XRCC4: variants seen among roughly 807,000 people sequenced by gnomAD.
XRCC4 encodes X-ray repair cross complementing 4.
Under a neutral mutation model 39.1 loss-of-function variants are expected in XRCC4, and 28 were observed. The ratio of observed to expected loss-of-function variants is 0.72; its 90% CI spans 0.53 to 0.98. The LOEUF (loss-of-function observed/expected upper bound fraction) is 0.98. Ranked by LOEUF, XRCC4 falls within the 50% of genes least tolerant of loss-of-function variation. The pLI, the probability that XRCC4 is intolerant of heterozygous loss-of-function variation, is 0.00. For synonymous variants in XRCC4, 123 were observed against 126.4 expected, an observed-to-expected ratio of 0.97 and a Z score of 0.18; for missense variants, 350 against 376.4, an observed-to-expected ratio of 0.93 and a Z score of 0.58.
chr5:83,254,615 A>G (rs1196575169), intron 6 of XRCC4, among the ~76,000 whole-genome samples: 2 of 152,040 alleles, frequency 1.3e-5, no homozygotes, highest in African/African-American at 4.8e-5. Context: ...CCTCCTATTG[A>G]TATAGTTGGG....
chr5:83,217,674 T>A (rs1751916555), intron 6 of XRCC4, among the ~76,000 whole-genome samples: 1 of 152,078 alleles, frequency 6.6e-6, no homozygotes, highest in African/African-American at 2.4e-5. Flanking sequence ...TTACCTGAAG[T>A]TTTTACTATA....
At chr5:83,181,484 C>T (rs1750204810) in intron 3 of XRCC4, among the ~76,000 whole-genome samples, 1 of 151,794 alleles carries the variant, frequency 6.6e-6, no homozygotes, top group African/African-American at 2.4e-5. Context: ...CTTTTTTATG[C>T]GTTATTCATT....
intron 6 of XRCC4, among the ~76,000 whole-genome samples, chr5:83,236,735 C>T (rs779340917): frequency 6.6e-6 from 1 of 151,830 alleles, no homozygotes; most frequent in Admixed American, 6.6e-5. Context: ...AACTAAAAAG[C>T]TTCTGCACAG....
intron 1 of XRCC4, among the ~76,000 whole-genome samples, chr5:83,082,315 G>T (rs1232432075): frequency 6.6e-6 from 1 of 152,166 alleles, no homozygotes; most frequent in Non-Finnish European, 1.5e-5. Context: ...TCCTGAAACA[G>T]AAAGAGGTTA....
chr5:83,270,018 TCAC>T (rs10551065), intron 7 of XRCC4, among the ~76,000 whole-genome samples: 1 of 65,986 alleles, frequency 1.5e-5, no homozygotes, highest in East Asian at 4.7e-3. Context: ...TTTCCTCACC[TCAC>T]AAATGGTCCC....
At chr5:83,224,743 C>G (rs1394734133) in intron 6 of XRCC4, among the ~76,000 whole-genome samples, 8 of 152,032 alleles carry the variant, frequency 5.3e-5, no homozygotes, top group Admixed American at 5.2e-4. Context: ...TTTTCATCAC[C>G]TCTTCATTGT....
chr5:83,097,494 G>A (rs1161515826), intron 1 of XRCC4, among the ~76,000 whole-genome samples: 1 of 151,604 alleles, frequency 6.6e-6, no homozygotes, highest in Admixed American at 6.6e-5. Context: ...TTGTTTATAA[G>A]TCTTATTCCT....
chr5:83,222,426 A>G (rs193047317), intron 6 of XRCC4, among the ~76,000 whole-genome samples: 1 of 152,340 alleles, frequency 6.6e-6, no homozygotes, highest in East Asian at 1.9e-4. Context: ...TTTAGACCTC[A>G]TAAAACATTG....
Position 83,282,336 on chromosome 5 carries a change from G to T in XRCC4, c.893+23659G>T, listed in dbSNP as rs117233729. On this transcript the variant is annotated intron_variant, in intron 7 of 7. Transcript: ENST00000396027. ...ATAATAGCAAAAAAAAAGAAGCAATGTAAATGTCCAACATTAGAAAATTGG... is the reference window on the plus strand; with the variant it reads ...ATAATAGCAAAAAAAAAGAAGCAATTTAAATGTCCAACATTAGAAAATTGG... Among the ~76,000 whole-genome samples, 553 of 152,212 alleles carry T rather than the reference G, an allele frequency of 3.6e-3. 12 individuals carry two copies. In the East Asian group the frequency reaches 0.071, roughly 20 times the overall value.
chr5:83,247,179 T>G (rs1452531162), intron 6 of XRCC4, among the ~76,000 whole-genome samples: 1 of 152,130 alleles, frequency 6.6e-6, no homozygotes, highest in Non-Finnish European at 1.5e-5. Context: ...TATGAACAAG[T>G]ATGCATAATT....
intron 3 of XRCC4, among the ~76,000 whole-genome samples, chr5:83,127,721 T>A (rs1355899731): frequency 6.6e-6 from 1 of 152,144 alleles, no homozygotes; most frequent in African/African-American, 2.4e-5. Context: ...GATTTCCATG[T>A]AATAATATTT....
intron 1 of XRCC4, among the ~76,000 whole-genome samples, chr5:83,089,740 T>A (rs1167589761): frequency 6.6e-6 from 1 of 152,152 alleles, no homozygotes; most frequent in Admixed American, 6.5e-5. Flanking sequence ...TTATTTTTAA[T>A]CAAACACTTC....
At chr5:83,196,755 A>G (rs1280775784) in intron 4 of XRCC4, among the ~76,000 whole-genome samples, 2 of 151,478 alleles carry the variant, frequency 1.3e-5, no homozygotes, top group Non-Finnish European at 2.9e-5. Flanking sequence ...AATTATTAGT[A>G]CATCCAGTAG....
chr5:83,170,506 G>A (rs918754365), intron 3 of XRCC4, among the ~76,000 whole-genome samples: 2 of 152,166 alleles, frequency 1.3e-5, no homozygotes, highest in Admixed American at 1.3e-4. Flanking sequence ...GCATTTTCAT[G>A]TGGGGCTCCG....
chr5:83,114,825 T>C (rs1014844357), intron 3 of XRCC4, among the ~76,000 whole-genome samples: 1 of 152,178 alleles, frequency 6.6e-6, no homozygotes, highest in African/African-American at 2.4e-5. Flanking sequence ...ACCAATTTAC[T>C]GTATTAGTCT....
intron 6 of XRCC4, among the ~76,000 whole-genome samples, chr5:83,256,686 A>G (rs1206151471): frequency 6.6e-6 from 1 of 151,988 alleles, no homozygotes; most frequent in Non-Finnish European, 1.5e-5. Flanking sequence ...TCTATTCCCC[A>G]TACATTTTTA....
At chr5:83,214,208 C>T (rs573013397) in intron 6 of XRCC4, among the ~76,000 whole-genome samples, 1 of 151,808 alleles carries the variant, frequency 6.6e-6, no homozygotes, top group Non-Finnish European at 1.5e-5. Context: ...CTAGGCAGGG[C>T]AATTAGGCAA....
At chr5:83,220,919 T>C (rs950559635) in intron 6 of XRCC4, among the ~76,000 whole-genome samples, 1 of 152,158 alleles carries the variant, frequency 6.6e-6, no homozygotes, top group African/African-American at 2.4e-5. Context: ...TTCTTTCTTT[T>C]TCGGTGACAT....
chr5:83,282,735 G>A (rs956842875), intron 7 of XRCC4, among the ~76,000 whole-genome samples: 6 of 151,990 alleles, frequency 3.9e-5, no homozygotes, highest in South Asian at 2.1e-4. Context: ...CCAACTACTC[G>A]GGAGGCTGAG....
Sources: allele counts gnomAD v4.1 joint callset (sites outside exome capture counted in the v4.1 genomes callset), GRCh38; gene constraint gnomAD v4.1.1; transcripts MANE v1.5; gene names NCBI Gene and HGNC (gene_info 2026-07-23, HGNC 2026-07-21).